CLVS2: variants seen among roughly 807,000 people sequenced by gnomAD.
CLVS2 encodes clavesin-2.
In CLVS2, 19 loss-of-function variants were observed where a neutral mutation model predicts 29.0. The ratio of observed to expected loss-of-function variants is 0.66; its 90% CI spans 0.46 to 0.96. The LOEUF is 0.96. Ranked by LOEUF, CLVS2 falls within the 40% of genes least tolerant of loss-of-function variation. The probability of loss-of-function intolerance (pLI) is 0.00; values close to 1 mark genes in which losing one functional copy is unlikely to be tolerated. For missense variants in CLVS2, 294 were observed against 404.1 expected (o/e 0.73, Z 2.34); for synonymous variants, 161 against 151.3 (o/e 1.06, Z -0.47).
At chr6:123,050,021 C>T (rs770731620) in intron 4 of CLVS2, among the ~76,000 whole-genome samples, 7 of 152,224 alleles carry the variant, frequency 4.6e-5, no homozygotes, top group Admixed American at 1.3e-4. Flanking sequence ...AGTGAATTTG[C>T]GCTCCTGAAA....
In CLVS2 at chr6:123,031,171, A is replaced by C. The variant is rs999866011; in HGVS notation, c.565-17451A>C. On this transcript the variant is annotated intron_variant, in intron 3 of 5. Coordinates refer to ENST00000275162, the MANE Select transcript of CLVS2 (RefSeq NM_001010852.4). ...TTTTTTGTAAAGACAGGGTTTCGCC[A>C]TGTTGCCCAGACTGTTCTCAAACTC... is the stretch of plus-strand genomic sequence containing the variant. Among the ~76,000 whole-genome samples the C allele has an allele frequency of 1.1e-4, 16 of 152,002 alleles. 1 individual carries two copies. The highest frequency in any genetic ancestry group is 7.9e-4 in the Admixed American group (12 of 15,254).
At chr6:123,034,028 C>G (rs1775116567) in intron 3 of CLVS2, among the ~76,000 whole-genome samples, 1 of 152,016 alleles carries the variant, frequency 6.6e-6, no homozygotes, top group African/African-American at 2.4e-5. Context: ...ACATACCTCT[C>G]AAAATCATTT....
chr6:123,009,059 A>G (rs1774712563), intron 2 of CLVS2, among the ~76,000 whole-genome samples: 1 of 152,118 alleles, frequency 6.6e-6, no homozygotes, highest in African/African-American at 2.4e-5. Context: ...ATTCTAACAA[A>G]AAGTATGCTA....
At chr6:123,026,092 T>A (rs1705327545) in intron 3 of CLVS2, among the ~76,000 whole-genome samples, 1 of 152,096 alleles carries the variant, frequency 6.6e-6, no homozygotes. Flanking sequence ...GGATGATCTT[T>A]CCATGTTAAG....
At chr6:123,061,206 A>T (rs539953853) in intron 5 of CLVS2, among the ~76,000 whole-genome samples, 1 of 152,142 alleles carries the variant, frequency 6.6e-6, no homozygotes, top group Admixed American at 6.5e-5. Context: ...GGGAGGTGGG[A>T]GCATCAGTTG....
At chr6:123,057,329 G>T in intron 5 of CLVS2, among the ~76,000 whole-genome samples, 2 of 132,740 alleles carry the variant, frequency 1.5e-5, no homozygotes, top group African/African-American at 2.8e-5. Flanking sequence ...TTTAAGGATG[G>T]TCTTCTTTTT....
In CLVS2 at chr6:123,072,746, T is replaced by C. The variant is rs1772969266; in HGVS notation, c.*8985T>C. On this transcript the variant is annotated 3_prime_UTR_variant, in exon 6 of 6. Transcript: ENST00000275162. ...AGGGTATGTTCCTTGGTAAATTGTG[T>C]TAATTATGTCCACTTTATAATGGAT... 2 of 152,138 alleles carry C rather than the reference T, an allele frequency of 1.3e-5. No homozygotes were observed. The highest frequency in any genetic ancestry group is 2.9e-5 in the Non-Finnish European group (2 of 67,998). The allele number at this position is 152,138 out of a possible 1,614,324, so 9.4% of individuals were successfully genotyped here.
At chr6:123,055,709 A>G in intron 4 of CLVS2, 97 bp from the exon 5 acceptor site, 1 of 836,916 alleles carries the variant, frequency 1.2e-6, no homozygotes, top group Non-Finnish European at 2.0e-6. Context: ...CGAAACTCAT[A>G]TTTGCTATTG....
At chr6:123,039,946 T>C (rs1406615908) in intron 3 of CLVS2, among the ~76,000 whole-genome samples, 1 of 152,118 alleles carries the variant, frequency 6.6e-6, no homozygotes, top group Non-Finnish European at 1.5e-5. Context: ...GACATTTCAC[T>C]CCATATGCAA....
In CLVS2 at chr6:123,071,710, C is replaced by A. The variant is rs1330320849; in HGVS notation, c.*7949C>A. On this transcript the variant is annotated 3_prime_UTR_variant, in exon 6 of 6. Coordinates refer to ENST00000275162, the MANE Select transcript of CLVS2 (RefSeq NM_001010852.4). ...AGACATTGTGTTCGTATCTTCTCTG[C>A]AACAATTATAAAATGAATGAGGAAG... 6.6e-6 allele frequency: 1 copy of A among 151,940 alleles called. No individual in the cohort carries two copies. Among genetic ancestry groups the A allele is most frequent in the African/African-American group, 2.4e-5 (1 of 41,404 alleles). The allele number at this position is 151,940 out of a possible 1,614,324, so 9.4% of individuals were successfully genotyped here. A position where few individuals can be genotyped will look rare whatever the true frequency, so the allele number is the denominator to read the frequency against.
intron 5 of CLVS2, among the ~76,000 whole-genome samples, chr6:123,059,048 C>T (rs1174397022): frequency 1.3e-5 from 2 of 152,104 alleles, no homozygotes; most frequent in African/African-American, 4.8e-5. Flanking sequence ...TCTGACCCTG[C>T]CTCCCTCTCT....
chr6:123,042,433 G>A (rs1775247469), intron 3 of CLVS2, among the ~76,000 whole-genome samples: 1 of 152,104 alleles, frequency 6.6e-6, no homozygotes, highest in Non-Finnish European at 1.5e-5. Flanking sequence ...CCTTTATTGT[G>A]TGTGTGCCAG....
chr6:123,005,685 C>T (rs1774657829), intron 2 of CLVS2, among the ~76,000 whole-genome samples: 1 of 152,088 alleles, frequency 6.6e-6, no homozygotes, highest in African/African-American at 2.4e-5. Context: ...ATTGCATGGC[C>T]AGAGGCAGGA....
intron 4 of CLVS2, among the ~76,000 whole-genome samples, chr6:123,051,230 T>G (rs1019617504): frequency 6.6e-6 from 1 of 152,152 alleles, no homozygotes; most frequent in Non-Finnish European, 1.5e-5. Flanking sequence ...AACTCAGGTG[T>G]GCAAGAATCA....
chr6:123,051,175 C>G (rs1441851977), intron 4 of CLVS2, among the ~76,000 whole-genome samples: 4 of 152,098 alleles, frequency 2.6e-5, no homozygotes, highest in Non-Finnish European at 5.9e-5. Flanking sequence ...TTCTGAAAAG[C>G]TAGTAAAAGA....
chr6:123,004,741 C>A (rs1044599916), intron 2 of CLVS2, among the ~76,000 whole-genome samples: 4 of 151,854 alleles, frequency 2.6e-5, no homozygotes, highest in Non-Finnish European at 5.9e-5. Flanking sequence ...GGTGAAACCC[C>A]GTCTCTACTA....
intron 3 of CLVS2, among the ~76,000 whole-genome samples, chr6:123,028,602 G>C (rs1485397975): frequency 6.6e-6 from 1 of 152,122 alleles, no homozygotes; most frequent in Non-Finnish European, 1.5e-5. Context: ...CTCTGAGTTT[G>C]GCAACAAAAG....
intron 3 of CLVS2, among the ~76,000 whole-genome samples, chr6:123,012,207 C>T (rs1244506615): frequency 6.6e-6 from 1 of 151,994 alleles, no homozygotes; most frequent in Non-Finnish European, 1.5e-5. Flanking sequence ...AAAACCTCCA[C>T]AGGGACAGTT....
At chr6:123,009,994 A>G (rs1774725806) in intron 2 of CLVS2, among the ~76,000 whole-genome samples, 2 of 152,092 alleles carry the variant, frequency 1.3e-5, no homozygotes, top group Admixed American at 1.3e-4. Context: ...CTCAAATACA[A>G]TAAGTTCTAT....
Sources: allele counts gnomAD v4.1 joint callset (sites outside exome capture counted in the v4.1 genomes callset), GRCh38; gene constraint gnomAD v4.1.1; transcripts MANE v1.5; gene names NCBI Gene and HGNC (gene_info 2026-07-23, HGNC 2026-07-21).